ADAMTS9: variants seen among roughly 807,000 people sequenced by gnomAD.
ADAMTS9 encodes ADAM metallopeptidase with thrombospondin type 1 motif 9, also known as A disintegrin and metalloproteinase with thrombospondin motifs 9.
In ADAMTS9, 107 loss-of-function variants were observed where a neutral mutation model predicts 257.1. The ratio of observed to expected loss-of-function variants is 0.42; its 90% CI spans 0.36 to 0.49. The LOEUF is 0.49. ADAMTS9 is among the 20% of genes least tolerant of loss of function. The pLI, the probability that ADAMTS9 is intolerant of heterozygous loss-of-function variation, is 0.03. For synonymous variants in ADAMTS9, 982 were observed against 880.9 expected, an observed-to-expected ratio of 1.11 and a Z score of -2.03; for missense variants, 2,353 against 2,469.1, an observed-to-expected ratio of 0.95 and a Z score of 1.00.
At chr3:64,601,539 C>A (rs769642905) in intron 26 of ADAMTS9, among the ~76,000 whole-genome samples, 4 of 152,188 alleles carry the variant, frequency 2.6e-5, no homozygotes, top group Non-Finnish European at 5.9e-5. Flanking sequence ...TTTGAGACTG[C>A]ACCCTTCTGG....
At chr3:64,561,421 G>T (rs2083420475) in intron 30 of ADAMTS9, 157 bp downstream of exon 30, 9 of 684,380 alleles carry the variant, frequency 1.3e-5, no homozygotes, top group Non-Finnish European at 2.0e-5. Context: ...ACCCTTGTTG[G>T]AGCGAATGCG....
In ADAMTS9 at chr3:64,536,371, A is replaced by G. The variant is rs572041475; in HGVS notation, c.5613+2832T>C. Among the ~76,000 whole-genome samples the G allele has an allele frequency of 2.0e-5, 3 of 152,336 alleles. No homozygotes were observed. In the East Asian group the frequency reaches 5.8e-4, roughly 29 times the overall value. On this transcript the variant is annotated intron_variant, in intron 37 of 39. Coordinates refer to ENST00000498707, the MANE Select transcript of ADAMTS9 (RefSeq NM_182920.2). The stretch of plus-strand genomic sequence containing the variant: ...CTTATCTTCAAGGTCTAAAGGGCAC[A>G]TGAGTTGTAAATACCACCTTCTGTT...
intron 28 of ADAMTS9, chr3:64,568,788 G>A: frequency 5.3e-6 from 2 of 376,894 alleles, no homozygotes; most frequent in Non-Finnish European, 9.4e-6. Flanking sequence ...GGTAAATCCT[G>A]AGAATTGGAG....
At chr3:64,577,020 A>G (rs990750750) in intron 28 of ADAMTS9, among the ~76,000 whole-genome samples, 1 of 152,202 alleles carries the variant, frequency 6.6e-6, no homozygotes, top group Non-Finnish European at 1.5e-5. Flanking sequence ...ACTTCATATT[A>G]GAGGGGAAAA....
intron 29 of ADAMTS9, 32 bp from the exon 30 acceptor site, chr3:64,561,783 CG>C (rs761417785): frequency 2.4e-6 from 2 of 848,910 alleles, no homozygotes; most frequent in South Asian, 3.2e-5. Context: ...GTGGGAGCTT[CG>C]GCTCATTTAT....
At chr3:64,644,209 T>C (rs1700729990) in intron 11 of ADAMTS9, among the ~76,000 whole-genome samples, 1 of 152,230 alleles carries the variant, frequency 6.6e-6, no homozygotes, top group African/African-American at 2.4e-5. Flanking sequence ...TATACAAACT[T>C]AGTCCTCACA....
intron 22 of ADAMTS9, among the ~76,000 whole-genome samples, chr3:64,609,697 C>A (rs577845741): frequency 2.0e-5 from 3 of 152,188 alleles, no homozygotes; most frequent in African/African-American, 4.8e-5. Flanking sequence ...GCTAAGGTGA[C>A]AATATGCCCC....
chr3:64,597,295 CT>C (rs1366714542), intron 26 of ADAMTS9, among the ~76,000 whole-genome samples: 4 of 152,150 alleles, frequency 2.6e-5, no homozygotes, highest in Non-Finnish European at 5.9e-5. Flanking sequence ...TCTTTATCCC[CT>C]CTGCATCTCT....
chr3:64,647,676 A>C (rs1700831453), intron 11 of ADAMTS9, among the ~76,000 whole-genome samples: 1 of 152,240 alleles, frequency 6.6e-6, no homozygotes, highest in African/African-American at 2.4e-5. Context: ...GAAATGTTTA[A>C]ATGAGAGAAA....
chr3:64,570,502 T>C (rs1161225333), intron 28 of ADAMTS9, among the ~76,000 whole-genome samples: 1 of 151,946 alleles, frequency 6.6e-6, no homozygotes, highest in African/African-American at 2.4e-5. Context: ...TTTCAAAACA[T>C]TTACTTTGCC....
At chr3:64,607,412 T>C (rs1405226106) in intron 22 of ADAMTS9, among the ~76,000 whole-genome samples, 2 of 152,148 alleles carry the variant, frequency 1.3e-5, no homozygotes, top group Non-Finnish European at 2.9e-5. Context: ...CTAAAATAGG[T>C]ACTTAATAGA....
chr3:64,646,053 A>T (rs748619032), intron 11 of ADAMTS9, among the ~76,000 whole-genome samples: 14 of 152,224 alleles, frequency 9.2e-5, no homozygotes, highest in Non-Finnish European at 1.9e-4. Context: ...TCATTTCATC[A>T]CATGATTGAA....
chr3:64,639,295 T>TTTG (rs1700576756), intron 12 of ADAMTS9, among the ~76,000 whole-genome samples: 2 of 137,164 alleles, frequency 1.5e-5, no homozygotes, highest in African/African-American at 5.9e-5. Context: ...GGTGGATTGT[T>TTTG]TTTTTTTTTT....
intron 3 of ADAMTS9, among the ~76,000 whole-genome samples, chr3:64,680,459 G>C (rs902240750): frequency 3.3e-5 from 5 of 152,160 alleles, no homozygotes; most frequent in African/African-American, 4.8e-5. Context: ...AAGTAACCAG[G>C]CTTCTGAGGC....
chr3:64,541,511 G>C lies in ADAMTS9; in HGVS notation c.5292+15C>G. 6.2e-7 allele frequency: 1 copy of C among 1,610,624 alleles called. No homozygotes were observed. Among genetic ancestry groups the C allele is most frequent in the Non-Finnish European group, 8.5e-7 (1 of 1,176,864 alleles). On this transcript the variant is annotated intron_variant, in intron 34 of 39. Transcript: ENST00000498707. Reference sequence around the variant, plus strand: ...AAAAACATTCTTGAAATAATGACTGGTGTCTGACATTCACCTTCAGAAGCT... The same window carrying C: ...AAAAACATTCTTGAAATAATGACTGCTGTCTGACATTCACCTTCAGAAGCT...
intron 30 of ADAMTS9, among the ~76,000 whole-genome samples, chr3:64,554,446 T>C (rs1047905380): frequency 6.6e-6 from 1 of 152,280 alleles, no homozygotes; most frequent in South Asian, 2.1e-4. Context: ...GGCTGGGTAA[T>C]CAGAAAACAA....
In ADAMTS9 at chr3:64,594,259, G is replaced by C; in HGVS notation, c.4355C>G (p.Ser1452Trp). 3 of 1,613,046 alleles carry C rather than the reference G, an allele frequency of 1.9e-6. No homozygotes were observed. The highest frequency in any genetic ancestry group is 1.7e-6 in the Non-Finnish European group (2 of 1,179,346). The change falls in exon 28 of 40, where the codon TCG becomes TGG. Residue 1452 changes from serine to tryptophan, a missense_variant and splice_region_variant. This residue lies in a region of ADAMTS9 where 1,402 missense variants were observed against 1,441.4 expected (regional missense o/e 0.97). Transcript: ENST00000498707. ...DAAWSTGPWS[S>W]CSVSCGRGHK... is the part of the protein sequence containing the mutation. ...AAACATGAATAGTTAGGGCCGTACC[G>C]AGCTCCAAGGGCCAGTACTCCATGC...
intron 30 of ADAMTS9, among the ~76,000 whole-genome samples, chr3:64,561,136 T>C (rs2083414590): frequency 6.6e-6 from 1 of 151,844 alleles, no homozygotes; most frequent in African/African-American, 2.4e-5. Flanking sequence ...GCCTATCTTC[T>C]ACCTGACAGC....
intron 12 of ADAMTS9, among the ~76,000 whole-genome samples, chr3:64,636,683 A>G (rs1700503888): frequency 6.6e-6 from 1 of 152,238 alleles, no homozygotes; most frequent in Admixed American, 6.5e-5. Flanking sequence ...AAATTTTTAC[A>G]AAGAAGAAGA....
Sources: gnomAD v4.1 joint callset for allele counts (sites outside exome capture counted in the v4.1 genomes callset) on GRCh38, gnomAD v4.1.1 for gene constraint, gnomAD v4.1.1 regional missense constraint, MANE v1.5 for transcripts, NCBI Gene and HGNC (gene_info 2026-07-23, HGNC 2026-07-21) for gene names.